Variants in TMEM255A observed in about 807,000 individuals in gnomAD.
The protein encoded by TMEM255A is family with sequence similarity 70, member A.
In TMEM255A, 14 loss-of-function variants were observed where a neutral mutation model predicts 23.5. The observed-to-expected ratio is 0.60, with a 90% CI of 0.39 to 0.93. The LOEUF is 0.93. TMEM255A is among the 40% of genes least tolerant of loss of function. The probability of loss-of-function intolerance (pLI) is 0.00; values close to 1 mark genes in which losing one functional copy is unlikely to be tolerated. For missense variants in TMEM255A, 233 were observed against 261.7 expected, an observed-to-expected ratio of 0.89 and a Z score of 0.76; for synonymous variants, 104 against 100.3, an observed-to-expected ratio of 1.04 and a Z score of -0.22.
At chrX:120,285,086 T>C (rs1569336531) in intron 6 of TMEM255A, 41 bp downstream of exon 6, 1 of 1,090,319 alleles carries the variant, frequency 9.2e-7, no homozygotes, top group East Asian at 3.0e-5. Flanking sequence ...GTGTCCGTTG[T>C]GGTCAGACCA....
At chrX:120,293,917 G>T in intron 3 of TMEM255A, 72 bp downstream of exon 3, 1 of 776,277 alleles carries the variant, frequency 1.3e-6, no homozygotes. Context: ...CTTAAGAAAT[G>T]TGTTACTTAT....
At chrX:120,268,452 T>A in intron 7 of TMEM255A, 65 bp from the exon 8 acceptor site, 1 of 892,450 alleles carries the variant, frequency 1.1e-6, no homozygotes, top group Non-Finnish European at 1.6e-6. Flanking sequence ...TTAAATAAAC[T>A]TAGTACATCT....
rs1007686695 is a variant in TMEM255A, at chrX:120,304,475, C to G, written c.75G>C (p.Arg25Ser). ...CGGTGACATAGATGGAGTTTCGTTT[C>G]CTCCGATTGAATGCTCCTGAAAGCA... ...LPDSMGAFNR[R>S]KRNSIYVTVT... The change falls in exon 2 of 9, where the codon AGG becomes AGC. Residue 25 changes from arginine (R) to serine (S), a missense_variant. Coordinates refer to ENST00000371369, the MANE Select transcript of TMEM255A (RefSeq NM_001104544.3). 30 of 1,207,698 alleles carry G rather than the reference C, an allele frequency of 2.5e-5. No individual in the cohort carries two copies. The highest frequency in any genetic ancestry group is 3.2e-5 in the Non-Finnish European group (29 of 894,212).
At chrX:120,289,539 T>C (rs782227765) in intron 4 of TMEM255A, among the ~76,000 whole-genome samples, 2 of 112,018 alleles carry the variant, frequency 1.8e-5, no homozygotes, top group African/African-American at 3.2e-5. Context: ...GATGAGTATG[T>C]AGCAAAATCA....
intron 4 of TMEM255A, among the ~76,000 whole-genome samples, chrX:120,289,225 A>G (rs782434522): frequency 8.9e-6 from 1 of 111,856 alleles, no homozygotes; most frequent in Non-Finnish European, 1.9e-5. Flanking sequence ...TAGGGCAGGT[A>G]TAGTATAAGC....
chrX:120,268,418 A>G, intron 7 of TMEM255A, 31 bp from the exon 8 acceptor site: 1 of 1,125,853 alleles, frequency 8.9e-7, no homozygotes, highest in Non-Finnish European at 1.2e-6. Context: ...GAAACAACAT[A>G]AACAGTCATC....
chrX:120,252,077 A>G, the TMEM255A span, among the ~76,000 whole-genome samples: 4 of 112,039 alleles, frequency 3.6e-5, no homozygotes, highest in African/African-American at 6.5e-5. Flanking sequence ...TTAACATGCA[A>G]CACCTTCTAA....
intron 2 of TMEM255A, among the ~76,000 whole-genome samples, chrX:120,300,554 ATT>A (rs368966488): frequency 2.7e-5 from 2 of 74,227 alleles, no homozygotes; most frequent in Non-Finnish European, 2.4e-5. Flanking sequence ...GGCCAGGCTA[ATT>A]TTTTTTTTTT....
Position 120,277,046 on chromosome X carries a change from G to A in TMEM255A, c.514C>T (p.Arg172Trp), listed in dbSNP as rs782218729. The A allele has an allele frequency of 5.0e-6, 6 of 1,205,447 alleles. No homozygotes were observed. The Middle Eastern group carries it at 7.2e-4, about 145-fold the overall frequency. Reference protein sequence around the residue: ...FCCDLYNCGNRVEITGGYYEY... With the variant: ...FCCDLYNCGNWVEITGGYYEY... ...TAGTACCCACCAGTGATCTCCACCCGGCTGGACAGGGAGGAGCATGCTCCA... is the reference window on the plus strand; with the variant it reads ...TAGTACCCACCAGTGATCTCCACCCAGCTGGACAGGGAGGAGCATGCTCCA... Residue 172 changes from arginine (R) to tryptophan (W), a missense_variant and splice_region_variant, in exon 7 of 9, where the codon CGG (arginine) becomes TGG (tryptophan). Physicochemically the swap from Arg to Trp is moderately radical, Grantham distance 101 (BLOSUM62 -3). Coordinates refer to ENST00000371369, the MANE Select transcript of TMEM255A (RefSeq NM_001104544.3).
At chrX:120,274,437 G>T (rs2057782612) in intron 7 of TMEM255A, among the ~76,000 whole-genome samples, 1 of 111,591 alleles carries the variant, frequency 9.0e-6, no homozygotes, top group African/African-American at 3.3e-5. Flanking sequence ...TTTTTTAAAG[G>T]GGGACAGTGA....
At chrX:120,305,609 C>A (rs1434013877) in intron 1 of TMEM255A, among the ~76,000 whole-genome samples, 1 of 108,397 alleles carries the variant, frequency 9.2e-6, no homozygotes, top group Non-Finnish European at 1.9e-5. Context: ...TCTGGGAGAC[C>A]TCACTGCAGC....
At position 120,304,466 on chromosome X, in the gene TMEM255A, G is replaced by A; in HGVS notation, c.84C>T (p.Asn28=). 8.3e-7 allele frequency: 1 copy of A among 1,210,190 alleles called. No homozygotes were observed. Among genetic ancestry groups the A allele is most frequent in the Non-Finnish European group, 1.1e-6 (1 of 894,747 alleles). The change falls in exon 2 of 9, where the codon AAC becomes AAT. Residue 28 remains asparagine, a synonymous_variant. Coordinates refer to ENST00000371369, the MANE Select transcript of TMEM255A (RefSeq NM_001104544.3). ...SMGAFNRRKR[N]SIYVTVTLLI... Reference sequence around the variant, plus strand: ...GCAAAGTCACGGTGACATAGATGGAGTTTCGTTTCCTCCGATTGAATGCTC... The same window carrying A: ...GCAAAGTCACGGTGACATAGATGGAATTTCGTTTCCTCCGATTGAATGCTC...
intron 6 of TMEM255A, 58 bp downstream of exon 6, chrX:120,285,069 C>T (rs111635141): frequency 3.0e-6 from 3 of 995,996 alleles, no homozygotes; most frequent in African/African-American, 3.8e-5. Context: ...TAACCTCAGC[C>T]CTTCTAGTGT....
chrX:120,285,654 T>C, intron 5 of TMEM255A: 1 of 1,211,408 alleles, frequency 8.3e-7, no homozygotes. Context: ...AGGTTCCTCA[T>C]AACCCTCGTG....
At chrX:120,269,425 T>C (rs2057739979) in intron 7 of TMEM255A, among the ~76,000 whole-genome samples, 2 of 112,273 alleles carry the variant, frequency 1.8e-5, no homozygotes, top group South Asian at 7.4e-4. Flanking sequence ...AATCAATGTG[T>C]CTTCCTTTTG....
At chrX:120,304,822 C>G (rs1007763137) in intron 1 of TMEM255A, among the ~76,000 whole-genome samples, 4 of 111,129 alleles carry the variant, frequency 3.6e-5, no homozygotes, top group Non-Finnish European at 1.9e-5. Flanking sequence ...TTTTTTAGAC[C>G]AAATTAGAAG....
intron 4 of TMEM255A, among the ~76,000 whole-genome samples, chrX:120,288,681 C>T (rs1435924041): frequency 6.2e-5 from 7 of 112,176 alleles, no homozygotes; most frequent in Non-Finnish European, 1.3e-4. Context: ...CAGGGCTTGG[C>T]AACCTCTGTA....
At chrX:120,309,784 T>TGC (rs782501303) in intron 1 of TMEM255A, 3 of 111,164 alleles carry the variant, frequency 2.7e-5, no homozygotes, top group Non-Finnish European at 5.7e-5. Flanking sequence ...GGAGAAAGAG[T>TGC]GCGCGCGCGC....
chrX:120,285,496 A>G (rs2057867739), intron 5 of TMEM255A: 1 of 912,864 alleles, frequency 1.1e-6, no homozygotes, highest in East Asian at 3.1e-5. Context: ...GGAAGGACAG[A>G]CGGAAGAACA....
Sources: allele counts gnomAD v4.1 joint callset (sites outside exome capture counted in the v4.1 genomes callset), GRCh38; gene constraint gnomAD v4.1.1; transcripts MANE v1.5; gene names NCBI Gene and HGNC (gene_info 2026-07-23, HGNC 2026-07-21).